NKAIN3: variants seen among roughly 807,000 people sequenced by gnomAD.
NKAIN3 encodes sodium/potassium-transporting ATPase subunit beta-1-interacting protein 3.
NKAIN3 carries 25 observed loss-of-function variants against 30.2 expected under a neutral mutation model. That is an observed-to-expected ratio of 0.83 (90% CI 0.60 to 1.16). The LOEUF (loss-of-function observed/expected upper bound fraction) is 1.16, where lower values mean the gene tolerates loss of function less well. Among genes scored for constraint, NKAIN3 ranks in the 50% most tolerant of loss-of-function variants. The pLI, the probability that NKAIN3 is intolerant of heterozygous loss-of-function variation, is 0.00. For synonymous variants in NKAIN3, 91 were observed against 89.6 expected, an observed-to-expected ratio of 1.02 and a Z score of -0.09; for missense variants, 225 against 254.1, an observed-to-expected ratio of 0.89 and a Z score of 0.78.
intron 3 of NKAIN3, among the ~76,000 whole-genome samples, chr8:62,650,537 ATTC>A (rs1356207762): frequency 6.6e-6 from 1 of 152,128 alleles, no homozygotes; most frequent in East Asian, 1.9e-4. Context: ...TTTTATTTCT[ATTC>A]TTCTCGATTG....
intron 4 of NKAIN3, among the ~76,000 whole-genome samples, chr8:62,873,444 A>G (rs1382828961): frequency 6.7e-6 from 1 of 149,846 alleles, no homozygotes; most frequent in Non-Finnish European, 1.5e-5. Context: ...CAGAAAATTA[A>G]CAAAGACATT....
At chr8:62,476,889 G>A (rs1806537172) in intron 1 of NKAIN3, among the ~76,000 whole-genome samples, 1 of 152,082 alleles carries the variant, frequency 6.6e-6, no homozygotes. Context: ...CCTTTAAATT[G>A]TCAGCAGAAA....
intron 1 of NKAIN3, among the ~76,000 whole-genome samples, chr8:62,519,195 C>A (rs188594353): frequency 9.2e-5 from 14 of 152,062 alleles, no homozygotes; most frequent in Admixed American, 3.9e-4. Flanking sequence ...ATGAAGTAAC[C>A]AGAGACTTGT....
At chr8:62,485,266 A>C (rs1806862883) in intron 1 of NKAIN3, among the ~76,000 whole-genome samples, 1 of 152,144 alleles carries the variant, frequency 6.6e-6, no homozygotes, top group South Asian at 2.1e-4. Flanking sequence ...CTGTGAGGTA[A>C]ATGTTCTTAA....
intron 1 of NKAIN3, among the ~76,000 whole-genome samples, chr8:62,566,845 A>G (rs1345056684): frequency 1.3e-5 from 2 of 152,174 alleles, no homozygotes; most frequent in Non-Finnish European, 2.9e-5. Context: ...ATCACTAGAC[A>G]TAACTCAAAT....
intron 3 of NKAIN3, among the ~76,000 whole-genome samples, chr8:62,743,383 G>A (rs568041417): frequency 2.6e-5 from 4 of 152,278 alleles, no homozygotes; most frequent in South Asian, 2.1e-4. Context: ...TGGAAAGGGT[G>A]TGATACTTTT....
intron 1 of NKAIN3, among the ~76,000 whole-genome samples, chr8:62,256,391 C>T (rs1247856824): frequency 1.3e-5 from 2 of 152,070 alleles, no homozygotes; most frequent in South Asian, 2.1e-4. Context: ...TGCATTCCAG[C>T]GTGGGTGACA....
intron 3 of NKAIN3, 123 bp downstream of exon 3, chr8:62,589,917 A>G (rs1024804059): frequency 3.7e-4 from 128 of 349,648 alleles, no homozygotes; most frequent in South Asian, 3.5e-3. Flanking sequence ...GTGTGTGTGT[A>G]TAGAATGATA....
At chr8:62,522,066 G>A (rs1278800053) in intron 1 of NKAIN3, among the ~76,000 whole-genome samples, 1 of 152,076 alleles carries the variant, frequency 6.6e-6, no homozygotes, top group African/African-American at 2.4e-5. Flanking sequence ...AGTCTGCAAA[G>A]AGCCTAAAAA....
chr8:62,752,448 T>C (rs1284568877), intron 4 of NKAIN3, among the ~76,000 whole-genome samples: 1 of 152,224 alleles, frequency 6.6e-6, no homozygotes, highest in Non-Finnish European at 1.5e-5. Flanking sequence ...GTGATCTTCA[T>C]AGGACACGGC....
chr8:62,274,756 C>T (rs1407260345), intron 1 of NKAIN3, among the ~76,000 whole-genome samples: 10 of 151,312 alleles, frequency 6.6e-5, no homozygotes, highest in Non-Finnish European at 1.2e-4. Context: ...ACCCCCCACC[C>T]CACAACAGTC....
chr8:62,916,336 A>T (rs1418120117), intron 4 of NKAIN3, among the ~76,000 whole-genome samples: 1 of 152,234 alleles, frequency 6.6e-6, no homozygotes, highest in Non-Finnish European at 1.5e-5. Context: ...GCTTATGAAG[A>T]GTATTAACTT....
intron 6 of NKAIN3, among the ~76,000 whole-genome samples, chr8:62,961,242 T>G (rs1823562001): frequency 6.6e-6 from 1 of 151,698 alleles, no homozygotes. Flanking sequence ...ATAGTGCCAC[T>G]GCACTCCAGC....
At chr8:62,864,929 C>T (rs1820372531) in intron 4 of NKAIN3, among the ~76,000 whole-genome samples, 1 of 152,050 alleles carries the variant, frequency 6.6e-6, no homozygotes, top group South Asian at 2.1e-4. Context: ...ATCTGGAGCG[C>T]GGCGTGTATG....
intron 4 of NKAIN3, among the ~76,000 whole-genome samples, chr8:62,902,883 A>C (rs1046133222): frequency 6.6e-6 from 1 of 152,174 alleles, no homozygotes; most frequent in African/African-American, 2.4e-5. Flanking sequence ...CAATGTTCTT[A>C]TTCCTTAATG....
At chr8:62,546,242 C>T (rs1208897882) in intron 1 of NKAIN3, among the ~76,000 whole-genome samples, 1 of 152,148 alleles carries the variant, frequency 6.6e-6, no homozygotes, top group Non-Finnish European at 1.5e-5. Context: ...AAGAGACTTT[C>T]ACTACACCAT....
chr8:62,396,243 C>G (rs1434273880), intron 1 of NKAIN3, among the ~76,000 whole-genome samples: 1 of 152,152 alleles, frequency 6.6e-6, no homozygotes, highest in African/African-American at 2.4e-5. Flanking sequence ...ATTGTTTCCA[C>G]TATAGAAGCT....
chr8:62,487,211 T>C (rs1397884583), intron 1 of NKAIN3, among the ~76,000 whole-genome samples: 2 of 152,226 alleles, frequency 1.3e-5, no homozygotes, highest in African/African-American at 4.8e-5. Context: ...TGGTCACTGA[T>C]GAGCTTGAGA....
chr8:62,514,661 CA>C (rs1807925240), intron 1 of NKAIN3, among the ~76,000 whole-genome samples: 2 of 152,106 alleles, frequency 1.3e-5, no homozygotes, highest in Non-Finnish European at 2.9e-5. Context: ...TTAGTCATGG[CA>C]AAGTGAATAA....
Sources: gnomAD v4.1 joint callset for allele counts (sites outside exome capture counted in the v4.1 genomes callset) on GRCh38, gnomAD v4.1.1 for gene constraint, MANE v1.5 for transcripts, NCBI Gene and HGNC (gene_info 2026-07-23, HGNC 2026-07-21) for gene names.